Variants in NDUFB2 observed in about 807,000 individuals in gnomAD.
NDUFB2 encodes NADH:ubiquinone oxidoreductase subunit B2.
NDUFB2 carries 13 observed loss-of-function variants against 13.4 expected under a neutral mutation model. The observed-to-expected ratio is 0.97, with a 90% CI of 0.63 to 1.54. NDUFB2 has a LOEUF of 1.54. Ranked by LOEUF, NDUFB2 falls within the 40% of genes most tolerant of loss-of-function variation. NDUFB2 has a pLI of 0.00. For missense variants in NDUFB2, 150 were observed against 139.7 expected (o/e 1.07, Z -0.37); for synonymous variants, 47 against 50.6 (o/e 0.93, Z 0.30).
chr7:140,704,771 T>C, intron 2 of NDUFB2, 89 bp from the exon 3 acceptor site: 5 of 928,428 alleles, frequency 5.4e-6, no homozygotes, highest in Non-Finnish European at 7.8e-6. Context: ...TGTTTTTTTT[T>C]TTTTCTTTCC....
rs1794814433 is a variant in NDUFB2 at position 140,696,845 on chromosome 7, G to A, written c.98+3G>A. On this transcript the variant is annotated splice_donor_region_variant and intron_variant, in intron 1 of 3. Coordinates refer to ENST00000247866, the MANE Select transcript of NDUFB2 (RefSeq NM_004546.3). ...GCTGGAGATGGTGGAGTCCGTCAGT[G>A]AGTGTGGGGCTGGGGATGGGGGCCT... 6.2e-7 allele frequency: 1 copy of A among 1,601,540 alleles called. No homozygotes were observed. The highest frequency in any genetic ancestry group is 8.5e-7 in the Non-Finnish European group (1 of 1,174,482).
chr7:140,702,767 A>G (rs1794913816), intron 1 of NDUFB2, 99 bp from the exon 2 acceptor site: 2 of 1,324,966 alleles, frequency 1.5e-6, no homozygotes, highest in Admixed American at 4.1e-5. Flanking sequence ...GAGATGAGAA[A>G]CATTAGCGTT....
At chr7:140,704,365 G>T (rs779124614) in intron 2 of NDUFB2, among the ~76,000 whole-genome samples, 16 of 152,184 alleles carry the variant, frequency 1.1e-4, no homozygotes, top group Non-Finnish European at 1.3e-4. Flanking sequence ...AGGTGCCCCT[G>T]CCTCACTGTA....
rs1344696564 is a variant in NDUFB2 at position 140,696,749 on chromosome 7, C to A, written c.5C>A (p.Ser2Tyr). 1 of 1,593,944 alleles carries A rather than the reference C, an allele frequency of 6.3e-7. No individual in the cohort carries two copies. The highest frequency in any genetic ancestry group is 8.5e-7 in the Non-Finnish European group (1 of 1,171,276). The stretch of plus-strand genomic sequence containing the variant: ...GCGGGGCGGACGGGAGCGAGTATGT[C>A]CGCTCTGACTCGGCTGGCGTCTTTC... M[S>Y]ALTRLASFAR... The change falls in exon 1 of 4, where the codon TCC becomes TAC. Residue 2 changes from serine (S) to tyrosine (Y), a missense_variant. By Grantham distance (144) the Ser-to-Tyr change is moderately radical (BLOSUM62 -2). Coordinates refer to ENST00000247866, the MANE Select transcript of NDUFB2 (RefSeq NM_004546.3).
At chr7:140,698,347 A>G (rs1794847363) in intron 1 of NDUFB2, 1 of 1,337,712 alleles carries the variant, frequency 7.5e-7, no homozygotes. Context: ...AGCATCTTCT[A>G]TATGGCTGCT....
Position 140,696,731 on chromosome 7 carries a change from G to T in NDUFB2, c.-14G>T, listed in dbSNP as rs200505172. ...GCGAGGCGGCTGGGGACCGCGGGGC[G>T]GACGGGAGCGAGTATGTCCGCTCTG... On this transcript the variant is annotated 5_prime_UTR_variant, in exon 1 of 4. Coordinates refer to ENST00000247866, the MANE Select transcript of NDUFB2 (RefSeq NM_004546.3). The T allele has an allele frequency of 3.3e-3, 5,216 of 1,575,758 alleles. 12 individuals are homozygous for T. The highest frequency in any genetic ancestry group is 4.0e-3 in the Non-Finnish European group (4,696 of 1,162,084).
At chr7:140,698,289 C>A in intron 1 of NDUFB2, 1 of 1,350,838 alleles carries the variant, frequency 7.4e-7, no homozygotes, top group Non-Finnish European at 9.8e-7. Context: ...GTTCGTAACA[C>A]ACACTTGTTT....
rs1399872872 is a variant in NDUFB2, at chr7:140,704,404, G to A, written c.244-456G>A. On this transcript the variant is annotated intron_variant, in intron 2 of 3. Transcript: ENST00000247866. ...CAGCTGTCCGGAGTATGTACAGTAT[G>A]TATAGCTGTTAGGCCTGAGATGATG... Among the ~76,000 whole-genome samples the A allele has an allele frequency of 2.6e-5, 4 of 152,154 alleles. No homozygotes were observed. The South Asian group carries it at 6.2e-4, about 24-fold the overall frequency.
Position 140,696,781 on chromosome 7 carries a change from G to T in NDUFB2, c.37G>T (p.Val13Phe). The T allele has an allele frequency of 6.2e-7, 1 of 1,607,290 alleles. No homozygotes were observed. Among genetic ancestry groups the T allele is most frequent in the Non-Finnish European group, 8.5e-7 (1 of 1,177,396 alleles). ...GACTCGGCTGGCGTCTTTCGCTCGC[G>T]TTGGAGGCCGCCTTTTCAGAAGCGG... ...ALTRLASFAR[V>F]GGRLFRSGCA... Residue 13 changes from valine to phenylalanine, a missense_variant, in exon 1 of 4, where the codon GTT (valine) becomes TTT (phenylalanine). Physicochemically the swap from Val to Phe is conservative, Grantham distance 50. Transcript: ENST00000247866.
At chr7:140,705,689 G>GATA (rs1289546345) in intron 3 of NDUFB2, 1 of 152,176 alleles carries the variant, frequency 6.6e-6, no homozygotes, top group African/African-American at 2.4e-5. Flanking sequence ...ACTGATCAAA[G>GATA]ATATATTAAG....
At chr7:140,706,008 A>G (rs1396218664) in intron 3 of NDUFB2, 1 of 143,880 alleles carries the variant, frequency 7.0e-6, no homozygotes, top group East Asian at 2.0e-4. Flanking sequence ...TTTATATTTT[A>G]TTTTATTTTA....
intron 1 of NDUFB2, among the ~76,000 whole-genome samples, chr7:140,697,758 A>G (rs1262384609): frequency 6.6e-6 from 1 of 152,154 alleles, no homozygotes; most frequent in African/African-American, 2.4e-5. Flanking sequence ...AAAGTTTCTT[A>G]TTCTCTTAAT....
chr7:140,704,355 A>T (rs757405697), intron 2 of NDUFB2, among the ~76,000 whole-genome samples: 5 of 152,110 alleles, frequency 3.3e-5, no homozygotes, highest in Non-Finnish European at 7.4e-5. Context: ...TTACTATTTG[A>T]GGTGCCCCTG....
At chr7:140,705,195 G>A (rs1009208605) in intron 3 of NDUFB2, 5 of 274,530 alleles carry the variant, frequency 1.8e-5, no homozygotes, top group African/African-American at 8.8e-5. Context: ...TGCCTTCCAG[G>A]TTCAAGTGAT....
At chr7:140,697,261 T>C (rs1254444876) in intron 1 of NDUFB2, 30 of 700,046 alleles carry the variant, frequency 4.3e-5, no homozygotes, top group South Asian at 1.5e-5. Flanking sequence ...TCCCGGTGCC[T>C]GGCTGCGGAA....
chr7:140,702,840 G>C (rs752431750), intron 1 of NDUFB2, 26 bp from the exon 2 acceptor site: 2 of 1,612,950 alleles, frequency 1.2e-6, no homozygotes, highest in East Asian at 4.5e-5. Context: ...GTAGCACGCT[G>C]TCTGCCATGT....
At chr7:140,700,571 C>T (rs892967446) in intron 1 of NDUFB2, 1 of 151,576 alleles carries the variant, frequency 6.6e-6, no homozygotes, top group African/African-American at 2.4e-5. Context: ...GGCGGATCAC[C>T]TGAGGTCAGG....
intron 1 of NDUFB2, chr7:140,700,710 A>ACT (rs1294392594): frequency 6.6e-6 from 1 of 151,730 alleles, no homozygotes; most frequent in Non-Finnish European, 1.5e-5. Context: ...AATTGCTCGA[A>ACT]CTGGGAGGCA....
intron 1 of NDUFB2, among the ~76,000 whole-genome samples, chr7:140,701,367 ACACT>A (rs1177033379): frequency 1.3e-5 from 2 of 152,216 alleles, no homozygotes; most frequent in African/African-American, 4.8e-5. Context: ...CACATGGTAA[ACACT>A]CAATAACTAC....
Sources: allele counts gnomAD v4.1 joint callset (sites outside exome capture counted in the v4.1 genomes callset), GRCh38; gene constraint gnomAD v4.1.1; transcripts MANE v1.5; gene names NCBI Gene and HGNC (gene_info 2026-07-23, HGNC 2026-07-21).